SLC2A9: variants seen among roughly 807,000 people sequenced by gnomAD.
SLC2A9 encodes solute carrier family 2 member 9.
Under a neutral mutation model 50.6 loss-of-function variants are expected in SLC2A9, and 39 were observed. The observed-to-expected ratio is 0.77, with a 90% CI of 0.60 to 1.01. The LOEUF is 1.01. SLC2A9 is among the 50% of genes least tolerant of loss of function. The pLI is 0.00. For synonymous variants in SLC2A9, 324 were observed against 276.9 expected (o/e 1.17, Z -1.69); for missense variants, 686 against 677.6 (o/e 1.01, Z -0.14).
rs751403359 is a variant in SLC2A9 at position 9,865,874 on chromosome 4, T to C, written c.1291+21693A>G. Among the ~76,000 whole-genome samples, 75 of 152,360 alleles carry C rather than the reference T, an allele frequency of 4.9e-4. No homozygotes were observed. The Middle Eastern group carries it at 0.01, about 21-fold the overall frequency. ...CCAAGGTCCCTGCAGGAACACTGGTTTGCAGGAATCTGGCCCCGGGGCCCA... is the reference window on the plus strand; with the variant it reads ...CCAAGGTCCCTGCAGGAACACTGGTCTGCAGGAATCTGGCCCCGGGGCCCA... On this transcript the variant is annotated intron_variant, in intron 10 of 11. Coordinates refer to ENST00000264784, the MANE Select transcript of SLC2A9 (RefSeq NM_020041.3).
At chr4:9,850,550 A>T (rs1729716090) in intron 10 of SLC2A9, among the ~76,000 whole-genome samples, 1 of 152,132 alleles carries the variant, frequency 6.6e-6, no homozygotes, top group Non-Finnish European at 1.5e-5. Flanking sequence ...ATGCCCAACC[A>T]GGGTGCTTCC....
intron 3 of SLC2A9, among the ~76,000 whole-genome samples, chr4:9,784,290 T>C (rs1180179951): frequency 6.6e-6 from 1 of 152,166 alleles, no homozygotes; most frequent in Non-Finnish European, 1.5e-5. Context: ...ATGTTTTTTT[T>C]CTCATATGGA....
Position 10,018,967 on chromosome 4 carries a change from G to C in SLC2A9, c.249+8C>G. Reference sequence around the variant, plus strand: ...AGCGCCCTCTGCCGGGCCTTGGCGCGCACTCACCGGGGTGGGGGCATTCAC... The same window carrying C: ...AGCGCCCTCTGCCGGGCCTTGGCGCCCACTCACCGGGGTGGGGGCATTCAC... On this transcript the variant is annotated splice_region_variant and intron_variant, in intron 2 of 11. Coordinates refer to ENST00000264784, the MANE Select transcript of SLC2A9 (RefSeq NM_020041.3). 6.5e-7 allele frequency: 1 copy of C among 1,549,198 alleles called. No homozygotes were observed. Among genetic ancestry groups the C allele is most frequent in the Middle Eastern group, 2.2e-4 (1 of 4,636 alleles).
intron 7 of SLC2A9, among the ~76,000 whole-genome samples, chr4:9,910,184 C>T (rs1418303538): frequency 2.0e-5 from 3 of 152,200 alleles, no homozygotes; most frequent in Non-Finnish European, 2.9e-5. Context: ...TTTTAATATT[C>T]GTGTAAAACA....
At chr4:9,963,376 C>G (rs6839490) in intron 5 of SLC2A9, among the ~76,000 whole-genome samples, 73,321 of 151,990 alleles carry the variant, frequency 0.48, 19,076 homozygotes, top group African/African-American at 0.67. Flanking sequence ...TAATCAGGGT[C>G]TTCTTCATAA....
intron 6 of SLC2A9, among the ~76,000 whole-genome samples, chr4:9,933,691 A>C (rs1746551963): frequency 6.6e-6 from 1 of 152,110 alleles, no homozygotes; most frequent in African/African-American, 2.4e-5. Flanking sequence ...TACAATGGAG[A>C]TTTATCATCT....
intron 10 of SLC2A9, among the ~76,000 whole-genome samples, chr4:9,848,806 G>A (rs564153900): frequency 2.7e-5 from 4 of 150,066 alleles, no homozygotes; most frequent in Non-Finnish European, 4.4e-5. Context: ...CCAGTTTCAC[G>A]CCATTCTCCT....
intron 7 of SLC2A9, among the ~76,000 whole-genome samples, chr4:9,910,321 G>A (rs968749154): frequency 5.9e-5 from 9 of 152,178 alleles, no homozygotes; most frequent in Non-Finnish European, 1.0e-4. Flanking sequence ...AATTCCTATT[G>A]TTCTCAGGGC....
intron 3 of SLC2A9, among the ~76,000 whole-genome samples, chr4:9,806,713 C>T (rs901864404): frequency 6.6e-6 from 1 of 152,094 alleles, no homozygotes; most frequent in Non-Finnish European, 1.5e-5. Context: ...TTGGGGAGCA[C>T]AATATAGAGT....
downstream of SLC2A9, among the ~76,000 whole-genome samples, chr4:9,795,813 A>C (rs1217546134): frequency 6.6e-6 from 1 of 152,122 alleles, no homozygotes; most frequent in Non-Finnish European, 1.5e-5. Flanking sequence ...GGGCATTTTC[A>C]CACTCTCTGT....
chr4:10,026,586 A>G (rs1763760764), intron 1 of SLC2A9, among the ~76,000 whole-genome samples: 1 of 152,250 alleles, frequency 6.6e-6, no homozygotes, highest in Non-Finnish European at 1.5e-5. Flanking sequence ...TGATATTCCA[A>G]TGGCCGAGAG....
At chr4:9,935,582 C>A (rs1479147220) in intron 6 of SLC2A9, among the ~76,000 whole-genome samples, 3 of 152,194 alleles carry the variant, frequency 2.0e-5, no homozygotes, top group African/African-American at 7.2e-5. Flanking sequence ...TGTGACCAAA[C>A]CAGAACTCCT....
intron 2 of SLC2A9, among the ~76,000 whole-genome samples, chr4:10,004,653 C>A (rs1760443858): frequency 6.6e-6 from 1 of 152,208 alleles, no homozygotes; most frequent in African/African-American, 2.4e-5. Context: ...CTGTGTTAAG[C>A]CACTGAGATA....
chr4:10,001,239 T>A (rs937089009), intron 2 of SLC2A9, among the ~76,000 whole-genome samples: 1 of 152,122 alleles, frequency 6.6e-6, no homozygotes, highest in Non-Finnish European at 1.5e-5. Context: ...TTGGAGACAA[T>A]CTTTACAAAG....
rs549736447 is a variant in SLC2A9 at position 9,815,547 on chromosome 4, G to A, written n.420+10873C>T. On this transcript the variant is annotated intron_variant and non_coding_transcript_variant, in intron 3 of 3. Coordinates refer to the SLC2A9 transcript ENST00000503280. Reference sequence around the variant, plus strand: ...TCCTTAAAGTTCCCTGGCCTGTGCCGTTAGGGTGTGGCCTTCAGTTTCATG... The same window carrying A: ...TCCTTAAAGTTCCCTGGCCTGTGCCATTAGGGTGTGGCCTTCAGTTTCATG... Among the ~76,000 whole-genome samples, 30 of 152,358 alleles carry A rather than the reference G, an allele frequency of 2.0e-4. No homozygotes were observed. In the South Asian group the frequency reaches 4.8e-3, roughly 24 times the overall value.
intron 3 of SLC2A9, chr4:9,782,824 C>T (rs778270524): frequency 6.2e-7 from 1 of 1,613,326 alleles, no homozygotes. Flanking sequence ...TGGAGAGGGC[C>T]GCAGAGCACG....
intron 6 of SLC2A9, among the ~76,000 whole-genome samples, chr4:9,925,169 C>T (rs918627430): frequency 4.6e-5 from 7 of 152,222 alleles, no homozygotes; most frequent in East Asian, 1.9e-4. Flanking sequence ...GTGCCCTGCT[C>T]GTGCTGTTCC....
chr4:9,876,994 C>G (rs1734407763), intron 10 of SLC2A9, among the ~76,000 whole-genome samples: 2 of 152,208 alleles, frequency 1.3e-5, no homozygotes, highest in South Asian at 4.1e-4. Context: ...TGTCTCTTAA[C>G]TTATAGCTAT....
At chr4:10,020,410 G>A (rs1170541802) in intron 1 of SLC2A9, among the ~76,000 whole-genome samples, 1 of 152,148 alleles carries the variant, frequency 6.6e-6, no homozygotes, top group Non-Finnish European at 1.5e-5. Flanking sequence ...ATATGTTGTT[G>A]AGGAGCCTGC....
Sources: gnomAD v4.1 joint callset for allele counts (sites outside exome capture counted in the v4.1 genomes callset) on GRCh38, gnomAD v4.1.1 for gene constraint, MANE v1.5 for transcripts, NCBI Gene and HGNC (gene_info 2026-07-23, HGNC 2026-07-21) for gene names.